Variants in IQCM observed in about 807,000 individuals in gnomAD.
The protein encoded by IQCM is IQ domain-containing protein M.
A neutral mutation model predicts 57.6 loss-of-function variants in IQCM; 45 were observed. The ratio of observed to expected loss-of-function variants is 0.78; its 90% confidence interval spans 0.62 to 1.00. The LOEUF is 1.00. Ranked by LOEUF, IQCM falls within the 50% of genes least tolerant of loss-of-function variation. IQCM has a pLI of 0.00. For synonymous variants in IQCM, 148 were observed against 158.9 expected (o/e 0.93, Z 0.51); for missense variants, 468 against 511.6 (o/e 0.91, Z 0.82).
intron 12 of IQCM, among the ~76,000 whole-genome samples, chr4:149,504,312 AT>A (rs1323126420): frequency 2.6e-5 from 4 of 152,228 alleles, no homozygotes; most frequent in Non-Finnish European, 4.4e-5. Flanking sequence ...CGCAAAATGA[AT>A]GTGCAACCGA....
chr4:149,769,546 C>T (rs1427851114), intron 2 of IQCM, among the ~76,000 whole-genome samples: 3 of 150,530 alleles, frequency 2.0e-5, no homozygotes, highest in Non-Finnish European at 4.4e-5. Flanking sequence ...ATGTACAATG[C>T]TCTATAGCTA....
chr4:149,426,916 G>A (rs1396165713), intron 13 of IQCM, among the ~76,000 whole-genome samples: 1 of 151,866 alleles, frequency 6.6e-6, no homozygotes, highest in Non-Finnish European at 1.5e-5. Flanking sequence ...CTTGGAGACT[G>A]GCTACCACTC....
At chr4:149,695,121 T>C (rs17026367) in intron 5 of IQCM, among the ~76,000 whole-genome samples, 6,566 of 152,206 alleles carry the variant, frequency 0.043, 482 homozygotes, top group African/African-American at 0.15. Flanking sequence ...CAAGCACATG[T>C]GTGTTATATA....
chr4:149,784,094 C>G (rs538815054), intron 2 of IQCM, among the ~76,000 whole-genome samples: 2 of 152,286 alleles, frequency 1.3e-5, no homozygotes, highest in African/African-American at 4.8e-5. Context: ...TTGTTTTAAG[C>G]TACTTAATTT....
chr4:149,687,619 C>A (rs990925602), intron 5 of IQCM, among the ~76,000 whole-genome samples: 12 of 151,550 alleles, frequency 7.9e-5, no homozygotes, highest in Non-Finnish European at 1.8e-4. Flanking sequence ...CATCACCCTA[C>A]TAACAAAACC....
chr4:149,425,729 G>T (rs918492961), intron 13 of IQCM, among the ~76,000 whole-genome samples: 1 of 151,808 alleles, frequency 6.6e-6, no homozygotes, highest in Non-Finnish European at 1.5e-5. Flanking sequence ...AGCCATCTGG[G>T]CATCCCTAAG....
intron 7 of IQCM, among the ~76,000 whole-genome samples, chr4:149,653,071 A>AT (rs1027489618): frequency 6.6e-6 from 1 of 152,114 alleles, no homozygotes; most frequent in Non-Finnish European, 1.5e-5. Context: ...GTAACATGAG[A>AT]TTTTTTTTAT....
chr4:149,643,064 T>C (rs1364935263), intron 7 of IQCM, among the ~76,000 whole-genome samples: 2 of 152,080 alleles, frequency 1.3e-5, no homozygotes, highest in African/African-American at 4.8e-5. Context: ...CAAAACATTA[T>C]TTACCGCAGT....
intron 2 of IQCM, among the ~76,000 whole-genome samples, chr4:149,778,155 T>C (rs1771272917): frequency 6.6e-6 from 1 of 152,184 alleles, no homozygotes. Context: ...GGCGGGTGGA[T>C]CACGAGGTCA....
intron 5 of IQCM, among the ~76,000 whole-genome samples, chr4:149,723,530 A>G (rs921949882): frequency 2.0e-5 from 3 of 152,070 alleles, no homozygotes; most frequent in African/African-American, 7.2e-5. Flanking sequence ...CTTTTTCAGC[A>G]TCTATTGAGA....
intron 12 of IQCM, among the ~76,000 whole-genome samples, chr4:149,468,626 G>A (rs754318688): frequency 2.6e-5 from 4 of 152,158 alleles, no homozygotes; most frequent in African/African-American, 7.2e-5. Flanking sequence ...GAAGAGAGTA[G>A]TGGTTCTCCC....
intron 7 of IQCM, among the ~76,000 whole-genome samples, chr4:149,676,503 C>A (rs539760262): frequency 3.9e-5 from 6 of 152,052 alleles, no homozygotes; most frequent in Non-Finnish European, 5.9e-5. Flanking sequence ...ACTTGACAAG[C>A]ATTATCTAAA....
At chr4:149,465,144 T>C (rs1738713074) in intron 12 of IQCM, among the ~76,000 whole-genome samples, 1 of 152,202 alleles carries the variant, frequency 6.6e-6, no homozygotes, top group Admixed American at 6.5e-5. Flanking sequence ...ATTTAGATGC[T>C]AGTTTTTATA....
chr4:149,736,707 T>G (rs563567841), intron 3 of IQCM, among the ~76,000 whole-genome samples: 14 of 152,330 alleles, frequency 9.2e-5, no homozygotes, highest in Non-Finnish European at 1.6e-4. Flanking sequence ...GATGAGGCTG[T>G]AGAGCTACTG....
chr4:149,657,497 C>T (rs1185171995), intron 7 of IQCM, among the ~76,000 whole-genome samples: 7 of 152,044 alleles, frequency 4.6e-5, no homozygotes, highest in African/African-American at 1.7e-4. Flanking sequence ...TCTCAACAGA[C>T]AGAATTCATC....
chr4:149,564,952 C>T (rs1750473768), intron 9 of IQCM, among the ~76,000 whole-genome samples: 1 of 152,090 alleles, frequency 6.6e-6, no homozygotes, highest in Non-Finnish European at 1.5e-5. Flanking sequence ...AACCTTGTGT[C>T]AGCTTTTTCT....
At chr4:149,396,923 C>G (rs552014318) in intron 13 of IQCM, among the ~76,000 whole-genome samples, 13 of 151,924 alleles carry the variant, frequency 8.6e-5, no homozygotes, top group Non-Finnish European at 1.8e-4. Flanking sequence ...AATGTATATA[C>G]ATTACATTTT....
chr4:149,718,458 C>T (rs1765177822), intron 5 of IQCM, among the ~76,000 whole-genome samples: 1 of 152,140 alleles, frequency 6.6e-6, no homozygotes. Flanking sequence ...AATGAAGAGA[C>T]AAAAGTTGAA....
At chr4:149,622,743 A>G (rs1224680011) in intron 7 of IQCM, among the ~76,000 whole-genome samples, 1 of 152,128 alleles carries the variant, frequency 6.6e-6, no homozygotes, top group Non-Finnish European at 1.5e-5. Flanking sequence ...ATTAAGATGT[A>G]TACACCCTTA....
Sources: allele counts gnomAD v4.1 joint callset (sites outside exome capture counted in the v4.1 genomes callset), GRCh38; gene constraint gnomAD v4.1.1; transcripts MANE v1.5; gene names NCBI Gene and HGNC (gene_info 2026-07-23, HGNC 2026-07-21).